Variants in RALY observed in about 807,000 individuals in gnomAD.
RALY encodes RNA-binding protein Raly.
In RALY, 15 loss-of-function variants were observed where a neutral mutation model predicts 30.7. The ratio of observed to expected loss-of-function variants is 0.49; its 90% CI spans 0.33 to 0.75. RALY has a LOEUF of 0.75. Ranked by LOEUF, RALY falls within the 30% of genes least tolerant of loss-of-function variation. RALY has a pLI of 0.02. For missense variants in RALY, 339 were observed against 414.3 expected (o/e 0.82, Z 1.58); for synonymous variants, 177 against 170.8 (o/e 1.04, Z -0.28).
At chr20:34,046,913 G>A (rs1433997765) in intron 2 of RALY, among the ~76,000 whole-genome samples, 1 of 150,454 alleles carries the variant, frequency 6.6e-6, no homozygotes, top group African/African-American at 2.5e-5. Flanking sequence ...TCCACCTCTT[G>A]GGTTGAAGCA....
At chr20:34,063,769 G>A (rs894428786) in intron 2 of RALY, among the ~76,000 whole-genome samples, 2 of 152,084 alleles carry the variant, frequency 1.3e-5, no homozygotes, top group African/African-American at 4.8e-5. Flanking sequence ...TTTGTATATT[G>A]TTCCTCCCTC....
At position 34,081,794 on chromosome 20, in the gene RALY, C is replaced by T. The variant is rs2034034281; in HGVS notation, c.*1889C>T. 6.6e-6 allele frequency: 1 copy of T among 152,310 alleles called. No individual in the cohort carries two copies. Among genetic ancestry groups the T allele is most frequent in the African/African-American group, 2.4e-5 (1 of 41,466 alleles). The allele number at this position is 152,310 out of a possible 1,614,324, so 9.4% of individuals were successfully genotyped here. On this transcript the variant is annotated 3_prime_UTR_variant, in exon 10 of 10. Transcript: ENST00000246194. ...TGCTGGGGCCTGACTAGGCCAGCCC[C>T]AAGGTGGCCAGAGTTCTGGCTTCAT...
At position 34,077,131 on chromosome 20, in the gene RALY, G is replaced by T. The variant is rs764169696; in HGVS notation, c.762G>T (p.Arg254=). 13 of 1,610,498 alleles carry T rather than the reference G, an allele frequency of 8.1e-6. No individual in the cohort carries two copies. The South Asian group carries it at 1.4e-4, about 18-fold the overall frequency. Residue 254 remains arginine (R), a synonymous_variant, in exon 8 of 10, where the codon CGG becomes CGT. Transcript: ENST00000246194. The part of the protein sequence containing the change: ...SGGGGGGGSS[R]PPAPQENTTS... ...GTGGCGGTGGCGGTGGCAGCAGCCG[G>T]CCACCAGCCCCCCAAGAGAACACAA...
chr20:34,038,941 C>G (rs189817134), intron 2 of RALY, among the ~76,000 whole-genome samples: 6 of 152,128 alleles, frequency 3.9e-5, no homozygotes, highest in Non-Finnish European at 7.4e-5. Flanking sequence ...TGTGGCGATC[C>G]AGGCTCTTAA....
chr20:34,023,432 T>C (rs769110183), intron 1 of RALY, among the ~76,000 whole-genome samples: 32 of 152,114 alleles, frequency 2.1e-4, no homozygotes, highest in Admixed American at 1.3e-4. Context: ...TATCTGCTAA[T>C]TGTTTCTACT....
intron 2 of RALY, among the ~76,000 whole-genome samples, chr20:34,051,677 G>A (rs769843103): frequency 1.3e-5 from 2 of 152,054 alleles, no homozygotes; most frequent in Non-Finnish European, 2.9e-5. Flanking sequence ...CTCACTGCAA[G>A]CTCCGCCCCC....
At chr20:34,033,780 T>G (rs2032373617) in intron 2 of RALY, among the ~76,000 whole-genome samples, 2 of 152,142 alleles carry the variant, frequency 1.3e-5, no homozygotes, top group Admixed American at 1.3e-4. Flanking sequence ...AGCGTCCCAG[T>G]CCCTGACCTG....
chr20:34,003,907 G>A (rs979677920), intron 1 of RALY, among the ~76,000 whole-genome samples: 4 of 152,164 alleles, frequency 2.6e-5, no homozygotes, highest in Non-Finnish European at 5.9e-5. Flanking sequence ...CCAAAGTGCT[G>A]GGATTACAGG....
At chr20:34,058,751 C>T (rs974455188) in intron 2 of RALY, among the ~76,000 whole-genome samples, 11 of 152,198 alleles carry the variant, frequency 7.2e-5, no homozygotes, top group African/African-American at 2.7e-4. Context: ...TTTAAACCCA[C>T]TAGGGTTTAC....
chr20:34,057,685 A>AAC (rs2033292419), intron 2 of RALY, among the ~76,000 whole-genome samples: 4 of 151,562 alleles, frequency 2.6e-5, no homozygotes, highest in Admixed American at 2.6e-4. Context: ...AAAAAAAAAA[A>AAC]CAACCTCTGA....
intron 9 of RALY, among the ~76,000 whole-genome samples, chr20:34,078,889 G>C (rs2033968652): frequency 6.6e-6 from 1 of 152,208 alleles, no homozygotes; most frequent in Admixed American, 6.5e-5. Context: ...CACCTAGTGT[G>C]AGCAGGATAA....
chr20:34,029,467 G>A (rs2032182213), intron 1 of RALY, among the ~76,000 whole-genome samples: 1 of 132,144 alleles, frequency 7.6e-6, no homozygotes, highest in Non-Finnish European at 1.6e-5. Flanking sequence ...AAAGGAGGGA[G>A]GGAGGGAGGA....
intron 2 of RALY, among the ~76,000 whole-genome samples, chr20:34,032,132 T>C (rs1246626396): frequency 2.0e-5 from 3 of 152,122 alleles, no homozygotes; most frequent in African/African-American, 7.2e-5. Flanking sequence ...CTGGCTAATT[T>C]TGTATTTTTT....
At chr20:34,023,354 A>T (rs2031900179) in intron 1 of RALY, among the ~76,000 whole-genome samples, 1 of 152,212 alleles carries the variant, frequency 6.6e-6, no homozygotes, top group Non-Finnish European at 1.5e-5. Context: ...GAGACAGGCA[A>T]GTGAACGGTG....
At chr20:34,073,893 C>G in intron 5 of RALY, 27 bp downstream of exon 5, 1 of 1,607,118 alleles carries the variant, frequency 6.2e-7, no homozygotes, top group Non-Finnish European at 8.5e-7. Context: ...CGTGCCCAGG[C>G]ATGAAACAGC....
chr20:34,018,215 A>C (rs1307918496), intron 1 of RALY, among the ~76,000 whole-genome samples: 1 of 152,230 alleles, frequency 6.6e-6, no homozygotes, highest in African/African-American at 2.4e-5. Flanking sequence ...TAGCCATTGG[A>C]TGGCAGTAAT....
intron 1 of RALY, among the ~76,000 whole-genome samples, chr20:34,022,879 T>C (rs1489646592): frequency 1.3e-5 from 2 of 152,220 alleles, no homozygotes; most frequent in Non-Finnish European, 2.9e-5. Context: ...TAGCATTTTT[T>C]CCCCCAAAGT....
At chr20:34,034,924 A>G (rs905005279) in intron 2 of RALY, among the ~76,000 whole-genome samples, 2 of 152,066 alleles carry the variant, frequency 1.3e-5, no homozygotes, top group African/African-American at 4.8e-5. Context: ...AGGCCGAGTC[A>G]GGTGGATCAC....
At chr20:34,039,015 T>C (rs1444384036) in intron 2 of RALY, among the ~76,000 whole-genome samples, 1 of 152,206 alleles carries the variant, frequency 6.6e-6, no homozygotes, top group Non-Finnish European at 1.5e-5. Flanking sequence ...TCCTCAGTTC[T>C]ACAAACAGGG....
Sources: allele counts gnomAD v4.1 joint callset (sites outside exome capture counted in the v4.1 genomes callset), GRCh38; gene constraint gnomAD v4.1.1; transcripts MANE v1.5; gene names NCBI Gene and HGNC (gene_info 2026-07-23, HGNC 2026-07-21).